The following NKAIN2 variants were observed in gnomAD, a reference collection of about 807,000 sequenced individuals.
NKAIN2 encodes sodium/potassium-transporting ATPase subunit beta-1-interacting protein 2.
In NKAIN2, 14 loss-of-function variants were observed where a neutral mutation model predicts 32.6. The ratio of observed to expected loss-of-function variants is 0.43; its 90% CI spans 0.28 to 0.67. The LOEUF (loss-of-function observed/expected upper bound fraction) is 0.67. Ranked by LOEUF, NKAIN2 falls within the 30% of genes least tolerant of loss-of-function variation. NKAIN2 has a pLI of 0.17. For missense variants in NKAIN2, 198 were observed against 258.3 expected, an observed-to-expected ratio of 0.77 and a Z score of 1.60; for synonymous variants, 80 against 87.2, an observed-to-expected ratio of 0.92 and a Z score of 0.46.
At chr6:124,482,213 AGAC>A (rs1433313171) in intron 3 of NKAIN2, among the ~76,000 whole-genome samples, 1 of 152,180 alleles carries the variant, frequency 6.6e-6, no homozygotes, top group Non-Finnish European at 1.5e-5. Context: ...ACTCCTGAGA[AGAC>A]TGAGCTACTC....
chr6:124,441,857 A>G (rs947611665), intron 3 of NKAIN2, among the ~76,000 whole-genome samples: 34 of 152,034 alleles, frequency 2.2e-4, no homozygotes, highest in African/African-American at 8.2e-4. Context: ...TATCTGTGGC[A>G]TGTTCCTTCA....
chr6:124,065,960 G>T (rs1037320923), intron 1 of NKAIN2, among the ~76,000 whole-genome samples: 1 of 152,038 alleles, frequency 6.6e-6, no homozygotes, highest in Non-Finnish European at 1.5e-5. Flanking sequence ...ATACATAACT[G>T]CATTTCTCAA....
intron 3 of NKAIN2, among the ~76,000 whole-genome samples, chr6:124,433,573 T>A (rs1426322669): frequency 6.6e-6 from 1 of 152,130 alleles, no homozygotes; most frequent in African/African-American, 2.4e-5. Context: ...TGAGAACAAA[T>A]GAGTTACAGT....
At chr6:124,711,597 C>T (rs1275149755) in intron 4 of NKAIN2, among the ~76,000 whole-genome samples, 1 of 150,596 alleles carries the variant, frequency 6.6e-6, no homozygotes, top group African/African-American at 2.4e-5. Flanking sequence ...ACCCTTTCTT[C>T]CAGTTGATCG....
At chr6:124,660,242 A>C (rs781000325) in intron 4 of NKAIN2, among the ~76,000 whole-genome samples, 1 of 152,170 alleles carries the variant, frequency 6.6e-6, no homozygotes, top group African/African-American at 2.4e-5. Context: ...CTATGTTTTA[A>C]GGATGAAGTG....
chr6:124,165,580 T>C (rs1214984800), intron 1 of NKAIN2, among the ~76,000 whole-genome samples: 1 of 151,882 alleles, frequency 6.6e-6, no homozygotes, highest in Admixed American at 6.6e-5. Flanking sequence ...GTTAATTACA[T>C]ATATATACAT....
chr6:124,497,228 T>C lies in NKAIN2; in HGVS notation c.273+141881T>C, dbSNP rs181508262. On this transcript the variant is annotated intron_variant, in intron 3 of 6. Coordinates refer to ENST00000368417, the MANE Select transcript of NKAIN2 (RefSeq NM_001040214.3). Reference sequence around the variant, plus strand: ...TTATGTGACTTTTTTTGATGCATTTTTACTTTTGTAAACATTTTATCTATA... The same window carrying C: ...TTATGTGACTTTTTTTGATGCATTTCTACTTTTGTAAACATTTTATCTATA... Among the ~76,000 whole-genome samples, 118 of 152,336 alleles carry C rather than the reference T, an allele frequency of 7.7e-4. 1 individual carries two copies. The highest frequency in any genetic ancestry group is 3.4e-3 in the Middle Eastern group (1 of 294).
intron 1 of NKAIN2, among the ~76,000 whole-genome samples, chr6:124,256,630 CT>C (rs1331661642): frequency 6.6e-6 from 1 of 152,086 alleles, no homozygotes; most frequent in Non-Finnish European, 1.5e-5. Flanking sequence ...AATTTCCAGT[CT>C]TTCTCTAATG....
intron 1 of NKAIN2, among the ~76,000 whole-genome samples, chr6:124,268,428 T>C (rs955994841): frequency 6.6e-6 from 1 of 152,194 alleles, no homozygotes; most frequent in African/African-American, 2.4e-5. Flanking sequence ...TCAGAGACAA[T>C]GTCTTAACTT....
At chr6:124,480,590 T>TATC (rs922037240) in intron 3 of NKAIN2, among the ~76,000 whole-genome samples, 12 of 7,824 alleles carry the variant, frequency 1.5e-3, no homozygotes, top group Middle Eastern at 0.028. Context: ...GTTGAGGTAT[T>TATC]ATTATTATTA....
Position 123,843,932 on chromosome 6 carries a change from C to T in NKAIN2, c.54+39678C>T, listed in dbSNP as rs73563599. The stretch of plus-strand genomic sequence containing the variant: ...GTCCGGGCATGATTTTGACCTCGAT[C>T]TCTGCTCCTGTGATACACTCTTCCC... On this transcript the variant is annotated intron_variant, in intron 1 of 6. Transcript: ENST00000368417. Among the ~76,000 whole-genome samples the T allele has an allele frequency of 3.5e-3, 529 of 152,292 alleles. 1 individual carries two copies. The highest frequency in any genetic ancestry group is 0.012 in the African/African-American group (506 of 41,570).
chr6:123,893,040 T>C (rs1478397557), intron 1 of NKAIN2, among the ~76,000 whole-genome samples: 1 of 152,020 alleles, frequency 6.6e-6, no homozygotes, highest in Non-Finnish European at 1.5e-5. Flanking sequence ...AGGACATTCT[T>C]GCGTCTGTTT....
intron 1 of NKAIN2, among the ~76,000 whole-genome samples, chr6:124,013,866 T>G (rs1780449246): frequency 6.6e-6 from 1 of 152,062 alleles, no homozygotes. Context: ...CACAAGCCAA[T>G]GAATACAGGT....
At chr6:124,104,065 C>T (rs950740157) in intron 1 of NKAIN2, among the ~76,000 whole-genome samples, 20 of 151,988 alleles carry the variant, frequency 1.3e-4, no homozygotes, top group African/African-American at 4.3e-4. Flanking sequence ...CCAGCCTGAG[C>T]GACAGAGCGA....
chr6:124,380,196 C>T (rs1170565965), intron 3 of NKAIN2, among the ~76,000 whole-genome samples: 1 of 152,140 alleles, frequency 6.6e-6, no homozygotes, highest in Non-Finnish European at 1.5e-5. Flanking sequence ...TGAATCTCAT[C>T]TGTGAGGGCT....
At chr6:123,841,369 C>CA (rs1375749087) in intron 1 of NKAIN2, among the ~76,000 whole-genome samples, 1 of 152,050 alleles carries the variant, frequency 6.6e-6, no homozygotes. Context: ...CGTGAGATGT[C>CA]AGAGTATAGT....
At chr6:123,927,270 T>C (rs1375037659) in intron 1 of NKAIN2, among the ~76,000 whole-genome samples, 1 of 152,230 alleles carries the variant, frequency 6.6e-6, no homozygotes, top group African/African-American at 2.4e-5. Context: ...TTTAAGCCAC[T>C]AAGTTTTTTG....
Position 124,014,804 on chromosome 6 carries a change from T to A in NKAIN2, c.54+210550T>A, listed in dbSNP as rs143496298. On this transcript the variant is annotated intron_variant, in intron 1 of 6. Transcript: ENST00000368417. ...TACATTAAAAGTTTTAGCATGATTG[T>A]TTAACAAGCTATCATCAATATTCTT... Among the ~76,000 whole-genome samples the A allele has an allele frequency of 5.9e-5, 9 of 152,324 alleles. 1 individual carries two copies. The East Asian group carries it at 1.7e-3, about 29-fold the overall frequency.
chr6:124,696,053 A>G (rs1473549133), intron 4 of NKAIN2, among the ~76,000 whole-genome samples: 1 of 152,164 alleles, frequency 6.6e-6, no homozygotes, highest in Non-Finnish European at 1.5e-5. Flanking sequence ...GGGCAAACTC[A>G]TCTGTCTGTT....
Sources: allele counts gnomAD v4.1 joint callset (sites outside exome capture counted in the v4.1 genomes callset), GRCh38; gene constraint gnomAD v4.1.1; transcripts MANE v1.5; gene names NCBI Gene and HGNC (gene_info 2026-07-23, HGNC 2026-07-21).